The following SVIL variants were observed in gnomAD, a reference collection of about 807,000 sequenced individuals.
SVIL encodes the protein supervillin, also known as archvillin.
Under a neutral mutation model 240.4 loss-of-function variants are expected in SVIL, and 101 were observed. The ratio of observed to expected loss-of-function variants is 0.42; its 90% CI spans 0.36 to 0.50. The LOEUF is 0.50. Ranked by LOEUF, SVIL falls within the 20% of genes least tolerant of loss-of-function variation. SVIL has a pLI of 0.01. For missense variants in SVIL, 2,512 were observed against 2,818.7 expected, an observed-to-expected ratio of 0.89 and a Z score of 2.46; for synonymous variants, 999 against 1,100.0, an observed-to-expected ratio of 0.91 and a Z score of 1.82.
intron 1 of SVIL, among the ~76,000 whole-genome samples, chr10:29,590,382 ATATT>A (rs1162184893): frequency 6.6e-6 from 1 of 152,150 alleles, no homozygotes; most frequent in Non-Finnish European, 1.5e-5. Context: ...TTGACGGTAT[ATATT>A]TAGTCACTGT....
intron 1 of SVIL, among the ~76,000 whole-genome samples, chr10:29,577,558 C>G (rs574833431): frequency 3.9e-5 from 6 of 152,250 alleles, no homozygotes; most frequent in Non-Finnish European, 7.4e-5. Context: ...TGTATATATA[C>G]CACATTTTCT....
At chr10:29,564,227 C>A (rs1439554724) in intron 2 of SVIL, among the ~76,000 whole-genome samples, 1 of 152,114 alleles carries the variant, frequency 6.6e-6, no homozygotes, top group Admixed American at 6.5e-5. Context: ...GAACTAGTAC[C>A]ATCCTCAGTT....
At chr10:29,556,404 T>C (rs1216732268) in intron 3 of SVIL, among the ~76,000 whole-genome samples, 39 of 152,104 alleles carry the variant, frequency 2.6e-4, no homozygotes, top group Admixed American at 2.6e-3. Context: ...TTTCTCTAAG[T>C]GGTAATTTTT....
chr10:29,481,440 G>T lies in SVIL; in HGVS notation c.5100+144C>A. Reference sequence around the variant, plus strand: ...ATATTTCAAAATAGCTAGAGGAGAAGATTTGAATGTTCTCACCACAAAGAA... The same window carrying T: ...ATATTTCAAAATAGCTAGAGGAGAATATTTGAATGTTCTCACCACAAAGAA... On this transcript the variant is annotated intron_variant, in intron 28 of 37. Transcript: ENST00000355867. The T allele has an allele frequency of 5.4e-6, 6 of 1,105,684 alleles. No individual in the cohort carries two copies. In the South Asian group the frequency reaches 7.5e-5, roughly 14 times the overall value. 68.5% of individuals were successfully genotyped at this position (1,105,684 alleles called of 1,614,324 possible).
At chr10:29,470,629 G>C in intron 31 of SVIL, 146 bp from the exon 32 acceptor site, 1 of 886,432 alleles carries the variant, frequency 1.1e-6, no homozygotes. Context: ...CTGAGGCACT[G>C]CACAGGGAGC....
intron 2 of SVIL, among the ~76,000 whole-genome samples, chr10:29,681,444 C>CGTGTGTGTGT (rs1960645248): frequency 2.9e-5 from 3 of 103,030 alleles, no homozygotes; most frequent in African/African-American, 1.1e-4. Context: ...TGTGTGTGTA[C>CGTGTGTGTGT]GTGTGTTGAG....
chr10:29,571,595 A>G (rs1365439699), intron 1 of SVIL, among the ~76,000 whole-genome samples: 4 of 152,214 alleles, frequency 2.6e-5, no homozygotes, highest in African/African-American at 9.6e-5. Context: ...GGGAAAAGAA[A>G]GGGCAGATAT....
intron 17 of SVIL, among the ~76,000 whole-genome samples, chr10:29,506,502 G>A (rs1050329699): frequency 6.6e-6 from 1 of 152,108 alleles, no homozygotes; most frequent in African/African-American, 2.4e-5. Flanking sequence ...GTGAAACCCT[G>A]AGCCACTCAT....
At chr10:29,532,364 A>C (rs1951431895) in intron 8 of SVIL, among the ~76,000 whole-genome samples, 165 bp downstream of exon 8, 1 of 152,224 alleles carries the variant, frequency 6.6e-6, no homozygotes, top group Non-Finnish European at 1.5e-5. Flanking sequence ...AGTAGGCAGA[A>C]GCAGAGTGGT....
At chr10:29,562,769 GAAAAAAAAAAAAAA>G (rs34507610) in intron 3 of SVIL, among the ~76,000 whole-genome samples, 3 of 115,720 alleles carry the variant, frequency 2.6e-5, no homozygotes, top group Non-Finnish European at 3.5e-5. Flanking sequence ...TCAAAAAAAA[GAAAAAAAAAAAAAA>G]AAAAAAAAAA....
rs1174357049 is a variant in SVIL at position 29,523,846 on chromosome 10, C to G, written c.2768G>C (p.Arg923Thr). 2 of 1,614,202 alleles carry G rather than the reference C, an allele frequency of 1.2e-6. No homozygotes were observed. The highest frequency in any genetic ancestry group is 1.1e-5 in the South Asian group (1 of 91,092). Residue 923 changes from arginine (R) to threonine (T), a missense_variant, in exon 15 of 38, where the codon AGA becomes ACA. Physicochemically the swap from Arg to Thr is moderately conservative, Grantham distance 71. Around this residue, in one of 3 missense-constraint regions of SVIL, gnomAD observed 1,443 missense variants for 1,486.6 expected, o/e 0.97. Transcript: ENST00000355867. ...SSIENSDSPV[R>T]SILKSQAWQP... ...CCAAGCTTGCGATTTCAGAATGCTTCTAACTGGAGAGTCCGAATTTTCTAT... is the reference window on the plus strand; with the variant it reads ...CCAAGCTTGCGATTTCAGAATGCTTGTAACTGGAGAGTCCGAATTTTCTAT...
Position 29,719,160 on chromosome 10 carries a change from A to T in SVIL, c.-400+16591T>A, listed in dbSNP as rs1012928011. On this transcript the variant is annotated intron_variant, in intron 1 of 35. Transcript: ENST00000375400. ...AACTCATAATTCACAAGCACTGGGT[A>T]CTCAGAAAGATGTTGCTTAACCCAT... 4.6e-5 allele frequency among the ~76,000 whole-genome samples: 7 copies of T among 152,282 alleles called. No homozygotes were observed. The East Asian group carries it at 1.4e-3, about 29-fold the overall frequency.
chr10:29,595,465 T>A (rs1956547998), intron 1 of SVIL, among the ~76,000 whole-genome samples: 1 of 152,184 alleles, frequency 6.6e-6, no homozygotes, highest in African/African-American at 2.4e-5. Context: ...AGAAGTGCCC[T>A]GACAGCAACA....
chr10:29,710,040 A>G (rs1963171230), intron 1 of SVIL, among the ~76,000 whole-genome samples: 1 of 150,926 alleles, frequency 6.6e-6, no homozygotes, highest in Admixed American at 6.6e-5. Context: ...TGCTCAATGT[A>G]TGTGTCACTC....
intron 2 of SVIL, among the ~76,000 whole-genome samples, chr10:29,669,770 G>C (rs1959619711): frequency 6.6e-6 from 1 of 152,152 alleles, no homozygotes; most frequent in South Asian, 2.1e-4. Context: ...CACCTGAATT[G>C]CTGGAAAATG....
In SVIL at chr10:29,634,663, T is replaced by C. The variant is rs1336630305; in HGVS notation, c.-444A>G. 3 of 152,256 alleles carry C rather than the reference T, an allele frequency of 2.0e-5. No homozygotes were observed. In the East Asian group the frequency reaches 5.8e-4, roughly 29 times the overall value. The allele number at this position is 152,256 out of a possible 1,614,324, so 9.4% of individuals were successfully genotyped here. On this transcript the variant is annotated 5_prime_UTR_variant, in exon 1 of 38. Coordinates refer to ENST00000355867, the MANE Select transcript of SVIL (RefSeq NM_021738.3). The stretch of plus-strand genomic sequence containing the variant: ...CGTTGTACAAAATCAAAGATCACGA[T>C]GTCAGCAAGCAACTGCATCTATCAG...
intron 9 of SVIL, 125 bp from the exon 10 acceptor site, chr10:29,531,413 G>T: frequency 1.1e-6 from 1 of 922,226 alleles, no homozygotes; most frequent in Non-Finnish European, 1.7e-6. Flanking sequence ...TAACCTCCTG[G>T]TAGCAATTCT....
Position 29,484,698 on chromosome 10 carries a change from A to T in SVIL, c.4913T>A (p.Ile1638Asn). 1 of 1,613,976 alleles carries T rather than the reference A, an allele frequency of 6.2e-7. No homozygotes were observed. The highest frequency in any genetic ancestry group is 8.5e-7 in the Non-Finnish European group (1 of 1,179,964). ...GCATTCTCCAGGATCCAGGGGATTG[A>T]TGTCACAGTTCTCATAGTCAAAGGT... is the stretch of plus-strand genomic sequence containing the variant. ...NGTFDYENCDINPLDPGECNP... is the reference protein window; with the variant it reads ...NGTFDYENCDNNPLDPGECNP... The change falls in exon 27 of 38, where the codon ATC becomes AAC. Residue 1638 changes from isoleucine (I) to asparagine (N), a missense_variant. Physicochemically the swap from Ile to Asn is moderately radical, Grantham distance 149 (BLOSUM62 -3). Coordinates refer to ENST00000355867, the MANE Select transcript of SVIL (RefSeq NM_021738.3). This position sits in a 1 kb window ranked among gnomAD's most constrained non-coding sequence, Gnocchi z 4.7.
At chr10:29,540,120 T>A (rs1022106434) in intron 6 of SVIL, among the ~76,000 whole-genome samples, 12 of 152,194 alleles carry the variant, frequency 7.9e-5, no homozygotes, top group African/African-American at 2.9e-4. Flanking sequence ...GCAGCCAGCA[T>A]AATGCTTTGA....
Sources: gnomAD v4.1 joint callset for allele counts (sites outside exome capture counted in the v4.1 genomes callset) on GRCh38, gnomAD v4.1.1 for gene constraint, gnomAD v4.1.1 regional missense constraint, Gnocchi (gnomAD v3.1) non-coding constraint, MANE v1.5 for transcripts, NCBI Gene and HGNC (gene_info 2026-07-23, HGNC 2026-07-21) for gene names.